Variants in CFAP299 observed in about 807,000 individuals in gnomAD.
CFAP299 encodes the protein cilia and flagella associated protein 299.
A neutral mutation model predicts 27.0 loss-of-function variants in CFAP299; 21 were observed. The ratio of observed to expected loss-of-function variants is 0.78; its 90% CI spans 0.55 to 1.12. The LOEUF (loss-of-function observed/expected upper bound fraction) is 1.12, where lower values mean the gene tolerates loss of function less well. Ranked by LOEUF, CFAP299 falls within the 50% of genes most tolerant of loss-of-function variation. The pLI is 0.00. For missense variants in CFAP299, 310 were observed against 276.6 expected (o/e 1.12, Z -0.86); for synonymous variants, 104 against 98.1 (o/e 1.06, Z -0.36).
At chr4:80,324,930 C>A in the CFAP299 span, among the ~76,000 whole-genome samples, 3 of 152,120 alleles carry the variant, frequency 2.0e-5, no homozygotes, top group East Asian at 1.9e-4. Flanking sequence ...TGAGACCAGC[C>A]TGGCCAACAT....
At chr4:80,921,920 A>C (rs1736066432) in intron 4 of CFAP299, among the ~76,000 whole-genome samples, 1 of 152,012 alleles carries the variant, frequency 6.6e-6, no homozygotes, top group Non-Finnish European at 1.5e-5. Context: ...CACAATTCCG[A>C]GTCTAAAACA....
intron 3 of CFAP299, among the ~76,000 whole-genome samples, chr4:80,800,505 TATATAATATATAA>T (rs1560419150): frequency 2.6e-4 from 1 of 3,784 alleles, no homozygotes; most frequent in East Asian, 0.021. Context: ...TATAATATAT[TATATAATATATAA>T]TATATAATAT....
At chr4:80,801,622 A>G (rs1182242134) in intron 3 of CFAP299, among the ~76,000 whole-genome samples, 1 of 152,122 alleles carries the variant, frequency 6.6e-6, no homozygotes, top group Non-Finnish European at 1.5e-5. Context: ...GTTGGTTAGA[A>G]GAAATCACGA....
intron 3 of CFAP299, among the ~76,000 whole-genome samples, chr4:80,846,223 G>A (rs1284377135): frequency 6.6e-6 from 1 of 152,140 alleles, no homozygotes; most frequent in African/African-American, 2.4e-5. Context: ...AGGGATGGAG[G>A]AATTGGTCCA....
intron 3 of CFAP299, among the ~76,000 whole-genome samples, chr4:80,644,956 C>T (rs1246089493): frequency 4.6e-5 from 7 of 152,140 alleles, no homozygotes; most frequent in Non-Finnish European, 8.8e-5. Context: ...ATCATACCCG[C>T]CTTCTTGTAA....
chr4:80,869,106 T>G (rs1390649121), intron 3 of CFAP299, among the ~76,000 whole-genome samples: 1 of 152,108 alleles, frequency 6.6e-6, no homozygotes, highest in Non-Finnish European at 1.5e-5. Context: ...GTAGTGTGAG[T>G]CGCAAGAAGT....
At chr4:80,772,176 A>C (rs1726256081) in intron 3 of CFAP299, among the ~76,000 whole-genome samples, 1 of 152,208 alleles carries the variant, frequency 6.6e-6, no homozygotes, top group Non-Finnish European at 1.5e-5. Flanking sequence ...GGTATCAGCC[A>C]AGTAAACAGA....
At chr4:80,939,542 A>C (rs370268929) in intron 4 of CFAP299, among the ~76,000 whole-genome samples, 1 of 151,648 alleles carries the variant, frequency 6.6e-6, no homozygotes, top group African/African-American at 2.4e-5. Flanking sequence ...CACTTTGTTT[A>C]TGTACTGCTT....
intron 3 of CFAP299, among the ~76,000 whole-genome samples, chr4:80,671,217 G>C (rs183040599): frequency 0.023 from 3,511 of 152,242 alleles, 148 homozygotes; most frequent in African/African-American, 0.079. Flanking sequence ...TGGCTAGCCA[G>C]TTTTCCCAGC....
rs1416003290 is a variant in CFAP299 at position 80,443,429 on chromosome 4, C to A, written c.242+80545C>A. On this transcript the variant is annotated intron_variant, in intron 2 of 5. Transcript: ENST00000358105. ...ACATAAACAGAACCAATGACAAAAACCACATGATTATCTCAATAGTTGCAG... is the reference window on the plus strand; with the variant it reads ...ACATAAACAGAACCAATGACAAAAAACACATGATTATCTCAATAGTTGCAG... 1.3e-5 allele frequency among the ~76,000 whole-genome samples: 2 copies of A among 152,168 alleles called. 1 individual carries two copies. Among genetic ancestry groups the A allele is most frequent in the Admixed American group, 1.3e-4 (2 of 15,286 alleles).
intron 3 of CFAP299, among the ~76,000 whole-genome samples, chr4:80,799,842 TTA>T (rs1485446115): frequency 1.1e-4 from 4 of 37,086 alleles, no homozygotes; most frequent in Non-Finnish European, 1.3e-4. Flanking sequence ...ATATATTATA[TTA>T]TATAATATAT....
intron 4 of CFAP299, among the ~76,000 whole-genome samples, chr4:80,887,893 A>T (rs565893175): frequency 1.3e-5 from 2 of 152,104 alleles, no homozygotes; most frequent in African/African-American, 2.4e-5. Flanking sequence ...AATCCGTATT[A>T]AGTTGTCATC....
intron 2 of CFAP299, among the ~76,000 whole-genome samples, chr4:80,528,473 G>A (rs1213884487): frequency 6.6e-6 from 1 of 152,104 alleles, no homozygotes; most frequent in Non-Finnish European, 1.5e-5. Flanking sequence ...GTTTGAGGCA[G>A]TAATTCTCCA....
At chr4:80,343,775 T>TG (rs1270971918) in intron 1 of CFAP299, among the ~76,000 whole-genome samples, 2 of 115,220 alleles carry the variant, frequency 1.7e-5, no homozygotes, top group African/African-American at 6.8e-5. Context: ...CGGTCCGGCC[T>TG]GGGCGACAGA....
chr4:80,536,035 A>G (rs978053128), intron 2 of CFAP299, among the ~76,000 whole-genome samples: 13 of 152,296 alleles, frequency 8.5e-5, no homozygotes, highest in African/African-American at 2.9e-4. Context: ...GGTGAAGACT[A>G]AGGAGGTCAC....
At chr4:80,763,432 C>G (rs1229669586) in intron 3 of CFAP299, among the ~76,000 whole-genome samples, 2 of 152,072 alleles carry the variant, frequency 1.3e-5, no homozygotes, top group Non-Finnish European at 2.9e-5. Flanking sequence ...CAACTACAAA[C>G]CACCTCCCAA....
chr4:80,685,572 A>G (rs1720130129), intron 3 of CFAP299, among the ~76,000 whole-genome samples: 1 of 138,788 alleles, frequency 7.2e-6, no homozygotes, highest in Non-Finnish European at 1.5e-5. Context: ...AATTTAGACC[A>G]TATGCAGGAC....
intron 4 of CFAP299, among the ~76,000 whole-genome samples, chr4:80,882,511 G>A (rs75946984): frequency 6.6e-6 from 1 of 152,020 alleles, no homozygotes; most frequent in Non-Finnish European, 1.5e-5. Flanking sequence ...GGTGGCAGGC[G>A]CCTGTAGTCC....
the CFAP299 span, among the ~76,000 whole-genome samples, chr4:80,325,803 C>A: frequency 1.3e-5 from 2 of 152,152 alleles, no homozygotes; most frequent in East Asian, 3.9e-4. Flanking sequence ...TTCTAGGTAT[C>A]TATAGATGAA....
Sources: allele counts gnomAD v4.1 joint callset (sites outside exome capture counted in the v4.1 genomes callset), GRCh38; gene constraint gnomAD v4.1.1; transcripts MANE v1.5; gene names NCBI Gene and HGNC (gene_info 2026-07-23, HGNC 2026-07-21).